PLEKHA7: variants seen among roughly 807,000 people sequenced by gnomAD.
PLEKHA7 encodes pleckstrin homology domain containing A7, also known as pleckstrin homology domain-containing family A member 7.
Under a neutral mutation model 170.0 loss-of-function variants are expected in PLEKHA7, and 104 were observed. That is an observed-to-expected ratio of 0.61 (90% CI 0.52 to 0.72). The LOEUF (loss-of-function observed/expected upper bound fraction) is 0.72. Among genes scored for constraint, PLEKHA7 ranks in the 30% least tolerant of loss-of-function variants. The pLI is 0.00. For missense variants in PLEKHA7, 1,615 were observed against 1,671.7 expected, an observed-to-expected ratio of 0.97 and a Z score of 0.59; for synonymous variants, 648 against 660.8, an observed-to-expected ratio of 0.98 and a Z score of 0.30.
intron 9 of PLEKHA7, among the ~76,000 whole-genome samples, chr11:16,829,008 C>CCTT (rs144933842): frequency 0.096 from 14,534 of 151,956 alleles, 811 homozygotes; most frequent in East Asian, 0.16. Context: ...TAAATAAATT[C>CCTT]CTTCTTTTTT....
At chr11:16,920,847 T>C (rs1859035023) in intron 3 of PLEKHA7, among the ~76,000 whole-genome samples, 1 of 152,250 alleles carries the variant, frequency 6.6e-6, no homozygotes, top group Non-Finnish European at 1.5e-5. Context: ...ACCTAGAGCC[T>C]CACCCGTGGT....
chr11:16,985,063 C>T (rs145444504), intron 3 of PLEKHA7, among the ~76,000 whole-genome samples: 1 of 152,174 alleles, frequency 6.6e-6, no homozygotes, highest in Admixed American at 6.5e-5. Flanking sequence ...TGGGTGCCAG[C>T]GGGCTGGGCA....
intron 3 of PLEKHA7, among the ~76,000 whole-genome samples, chr11:16,940,063 T>C (rs1301791544): frequency 6.6e-6 from 1 of 152,162 alleles, no homozygotes. Flanking sequence ...GGGTTAGCTG[T>C]GTGGATCTGT....
chr11:16,899,377 A>G (rs765070848), intron 3 of PLEKHA7, among the ~76,000 whole-genome samples: 22 of 152,126 alleles, frequency 1.4e-4, no homozygotes, highest in Non-Finnish European at 2.6e-4. Flanking sequence ...CATGCTTGTA[A>G]TCCCAGCTAC....
intron 10 of PLEKHA7, 102 bp downstream of exon 10, chr11:16,826,018 A>T (rs1850608581): frequency 8.5e-7 from 1 of 1,174,756 alleles, no homozygotes; most frequent in African/African-American, 1.5e-5. Flanking sequence ...GGCAGTAAAG[A>T]GTTTAAGGCT....
chr11:16,791,428 T>C lies in PLEKHA7; in HGVS notation c.2746-229A>G, dbSNP rs935389618. On this transcript the variant is annotated intron_variant, in intron 19 of 26. Transcript: ENST00000531066. The surrounding 1 kb of genome is among the most constrained non-coding windows in gnomAD (Gnocchi z 4.5). The stretch of plus-strand genomic sequence containing the variant: ...GGTATACAGTTTCTATTCCTCCAAG[T>C]GTTACCTGTATAACTGTGTCCTGAA... 1.1e-5 allele frequency: 7 copies of C among 620,520 alleles called. No homozygotes were observed. Among genetic ancestry groups the C allele is most frequent in the African/African-American group, 1.1e-4 (6 of 55,062 alleles). The allele number at this position is 620,520 out of a possible 1,614,324, so 38.4% of individuals were successfully genotyped here.
Position 16,928,628 on chromosome 11 carries a change from T to A in PLEKHA7, c.222-57446A>T, listed in dbSNP as rs189827018. 8.4e-4 allele frequency among the ~76,000 whole-genome samples: 128 copies of A among 152,022 alleles called. 1 individual carries two copies. The highest frequency in any genetic ancestry group is 6.5e-3 in the South Asian group (31 of 4,806). ...CCACCATGCCCAGCTAATTTTTTTT[T>A]AAATTTTTTTAGAGATGGGGACTCA... On this transcript the variant is annotated intron_variant, in intron 3 of 26. Transcript: ENST00000531066.
chr11:16,788,877 C>T lies in PLEKHA7; in HGVS notation c.3357+219G>A, dbSNP rs1435867351. Reference sequence around the variant, plus strand: ...CTGGGTATTTCCTCAGGCTCCTGGGCCTGTTTGATCCTCACTCCAGCTCTG... The same window carrying T: ...CTGGGTATTTCCTCAGGCTCCTGGGTCTGTTTGATCCTCACTCCAGCTCTG... On this transcript the variant is annotated intron_variant, in intron 23 of 26. Coordinates refer to ENST00000531066, the MANE Select transcript of PLEKHA7 (RefSeq NM_001329630.2). 3 of 614,214 alleles carry T rather than the reference C, an allele frequency of 4.9e-6. No individual in the cohort carries two copies. The East Asian group carries it at 8.4e-5, about 17-fold the overall frequency. 38.0% of individuals were successfully genotyped at this position (614,214 alleles called of 1,614,324 possible).
intron 3 of PLEKHA7, among the ~76,000 whole-genome samples, chr11:16,891,275 G>A (rs1856593740): frequency 6.6e-6 from 1 of 152,192 alleles, no homozygotes; most frequent in Non-Finnish European, 1.5e-5. Context: ...TGGAAATCCA[G>A]TATCAGTGGC....
chr11:16,894,290 C>T (rs1856862039), intron 3 of PLEKHA7, among the ~76,000 whole-genome samples: 1 of 152,152 alleles, frequency 6.6e-6, no homozygotes, highest in African/African-American at 2.4e-5. Flanking sequence ...GGAAATTCTC[C>T]ACCCAAACCA....
At position 16,826,264 on chromosome 11, in the gene PLEKHA7, G is replaced by T; in HGVS notation, c.1199C>A (p.Ser400Ter). 1 of 1,614,226 alleles carries T rather than the reference G, an allele frequency of 6.2e-7. No individual in the cohort carries two copies. The highest frequency in any genetic ancestry group is 8.5e-7 in the Non-Finnish European group (1 of 1,180,044). The change falls in exon 10 of 27, where the codon TCA (serine) becomes TAA (stop). Residue 400 changes from serine to a stop codon, truncating the protein, a stop_gained. Transcript: ENST00000531066. LOFTEE classifies it high-confidence loss of function. Reference sequence around the variant, plus strand: ...CCCATTCTGTTCTCCTGGGCCATATGAGGCAGGCAGCATTCCATTCTTCTC... The same window carrying T: ...CCCATTCTGTTCTCCTGGGCCATATTAGGCAGGCAGCATTCCATTCTTCTC... ...RAEKNGMLPA[S>*]YGPGEQNGTG... is the part of the protein sequence containing the mutation.
chr11:16,996,146 T>G (rs1864325708), intron 3 of PLEKHA7, among the ~76,000 whole-genome samples: 1 of 152,324 alleles, frequency 6.6e-6, no homozygotes, highest in Non-Finnish European at 1.5e-5. Flanking sequence ...TTTACGTGTA[T>G]TATTCTCATT....
chr11:16,874,908 A>G (rs1209809034), intron 3 of PLEKHA7, among the ~76,000 whole-genome samples: 2 of 152,214 alleles, frequency 1.3e-5, no homozygotes, highest in Non-Finnish European at 2.9e-5. Context: ...ACACTGCACA[A>G]TCTTAATAGC....
intron 26 of PLEKHA7, among the ~76,000 whole-genome samples, chr11:16,781,846 T>C (rs1270444086): frequency 6.6e-6 from 1 of 152,044 alleles, no homozygotes; most frequent in Non-Finnish European, 1.5e-5. Context: ...GGTTGGAGAA[T>C]TGGTAGGGGC....
At chr11:16,892,318 G>A (rs1393615041) in intron 3 of PLEKHA7, among the ~76,000 whole-genome samples, 1 of 152,162 alleles carries the variant, frequency 6.6e-6, no homozygotes, top group East Asian at 1.9e-4. Flanking sequence ...GCCCAGTACA[G>A]AGCAATGGCT....
rs548396960 is a variant in PLEKHA7 at position 16,837,063 on chromosome 11, G to A, written c.872+4484C>T. Among the ~76,000 whole-genome samples the A allele has an allele frequency of 7.9e-5, 12 of 152,166 alleles. No homozygotes were observed. The East Asian group carries it at 2.3e-3, about 29-fold the overall frequency. ...GGTCTCGAACTCCTGACCTCAAGTT[G>A]TCCGCCTGCTTCGGCCTCCCAAAGT... On this transcript the variant is annotated intron_variant, in intron 9 of 26. Coordinates refer to ENST00000531066, the MANE Select transcript of PLEKHA7 (RefSeq NM_001329630.2).
chr11:16,825,481 A>C (rs1158266336), intron 10 of PLEKHA7, among the ~76,000 whole-genome samples: 2 of 152,280 alleles, frequency 1.3e-5, no homozygotes, highest in Non-Finnish European at 2.9e-5. Context: ...GACAAAGCAC[A>C]GTGGCTTCTG....
At chr11:16,990,949 A>G (rs1169972128) in intron 3 of PLEKHA7, among the ~76,000 whole-genome samples, 1 of 152,242 alleles carries the variant, frequency 6.6e-6, no homozygotes, top group Non-Finnish European at 1.5e-5. Context: ...CCCAATGTTT[A>G]GCTGGTAAGC....
chr11:16,979,415 G>A (rs1366844652), intron 3 of PLEKHA7, among the ~76,000 whole-genome samples: 1 of 129,328 alleles, frequency 7.7e-6, no homozygotes, highest in African/African-American at 2.9e-5. Flanking sequence ...CCCACCTTCA[G>A]GGTAAGACAT....
Sources: gnomAD v4.1 joint callset for allele counts (sites outside exome capture counted in the v4.1 genomes callset) on GRCh38, gnomAD v4.1.1 for gene constraint, Gnocchi (gnomAD v3.1) non-coding constraint, MANE v1.5 for transcripts, NCBI Gene and HGNC (gene_info 2026-07-23, HGNC 2026-07-21) for gene names.